The following NRG1 variants were observed in gnomAD, a reference collection of about 807,000 sequenced individuals.
NRG1 encodes pro-neuregulin-1, membrane-bound isoform.
NRG1 carries 18 observed loss-of-function variants against 63.8 expected under a neutral mutation model. The observed-to-expected ratio is 0.28, with a 90% CI of 0.19 to 0.42. The LOEUF is 0.42. NRG1 is among the 10% of genes least tolerant of loss of function. The pLI is 1.00. For synonymous variants in NRG1, 302 were observed against 301.3 expected (o/e 1.00, Z -0.02); for missense variants, 762 against 814.7 (o/e 0.94, Z 0.79).
At chr8:32,748,953 A>AGTAATCTGATCTGATTAGAAGTAATGAG (rs1464501471) in intron 7 of NRG1, 1 of 225,306 alleles carries the variant, frequency 4.4e-6, no homozygotes, top group Non-Finnish European at 8.9e-6. Flanking sequence ...GAAGATTAGA[A>AGTAATCTGATCTGATTAGAAGTAATGAG]GAAGTAAAAG....
intron 7 of NRG1, among the ~76,000 whole-genome samples, chr8:32,745,175 T>G (rs1195108773): frequency 1.3e-5 from 2 of 152,112 alleles, no homozygotes; most frequent in African/African-American, 2.4e-5. Flanking sequence ...TCTAAGAACT[T>G]TATGTTCAAG....
At chr8:32,276,026 A>C (rs1852063792) in intron 1 of NRG1, among the ~76,000 whole-genome samples, 1 of 152,186 alleles carries the variant, frequency 6.6e-6, no homozygotes, top group Admixed American at 6.5e-5. Flanking sequence ...GTGAACATTT[A>C]TCATTTCTTC....
chr8:31,830,302 T>TTTCCTTCCTTCCTTCC (rs375861946), intron 1 of NRG1, among the ~76,000 whole-genome samples: 9 of 122,742 alleles, frequency 7.3e-5, no homozygotes, highest in African/African-American at 1.9e-4. Context: ...GCTCTTCTTT[T>TTTCCTTCCTTCCTTCC]TTCCTTCCTT....
chr8:32,546,494 T>C (rs1833085811), upstream of NRG1, among the ~76,000 whole-genome samples: 1 of 152,220 alleles, frequency 6.6e-6, no homozygotes, highest in African/African-American at 2.4e-5. Flanking sequence ...TGAATTTTGC[T>C]ATTTCCTGCT....
At chr8:32,401,418 C>T (rs1813182147) in intron 1 of NRG1, among the ~76,000 whole-genome samples, 1 of 152,156 alleles carries the variant, frequency 6.6e-6, no homozygotes, top group East Asian at 1.9e-4. Flanking sequence ...TATCATTTAT[C>T]TATTTTATTC....
At chr8:32,373,753 G>A (rs976746612) in intron 1 of NRG1, among the ~76,000 whole-genome samples, 3 of 152,076 alleles carry the variant, frequency 2.0e-5, no homozygotes, top group African/African-American at 7.2e-5. Context: ...ACTCCAGCCT[G>A]GGTGACAGAG....
rs555486618 is a variant in NRG1 at position 31,855,369 on chromosome 8, G to A, written c.37+215938G>A. 2.1e-3 allele frequency among the ~76,000 whole-genome samples: 312 copies of A among 152,098 alleles called. 2 individuals are homozygous for A. Among genetic ancestry groups the A allele is most frequent in the African/African-American group, 6.9e-3 (285 of 41,484 alleles). ...TTGATCCCTTTACCATTATGTAATG[G>A]CCTTCTTTGTCTCTTTTGATCTTTG... On this transcript the variant is annotated intron_variant, in intron 1 of 10. Coordinates refer to the NRG1 transcript ENST00000519301.
chr8:32,542,805 C>A (rs1563608389), intron 1 of NRG1, among the ~76,000 whole-genome samples: 1 of 152,212 alleles, frequency 6.6e-6, no homozygotes, highest in East Asian at 1.9e-4. Context: ...CAGTATGTGG[C>A]AAGATAATTG....
intron 1 of NRG1, among the ~76,000 whole-genome samples, chr8:32,493,492 G>A (rs1337031685): frequency 6.6e-6 from 1 of 152,092 alleles, no homozygotes; most frequent in Non-Finnish European, 1.5e-5. Flanking sequence ...TTAGAAAGGA[G>A]GATTACCTCT....
intron 1 of NRG1, among the ~76,000 whole-genome samples, chr8:32,156,192 G>A: frequency 6.6e-6 from 1 of 152,106 alleles, no homozygotes; most frequent in Non-Finnish European, 1.5e-5. Flanking sequence ...CTTTCCTGGA[G>A]ATTCAGGTTT....
chr8:32,677,802 T>C (rs1807547141), intron 5 of NRG1, among the ~76,000 whole-genome samples: 1 of 152,188 alleles, frequency 6.6e-6, no homozygotes, highest in South Asian at 2.1e-4. Context: ...GCAAAATTTA[T>C]CAGCCTTTCC....
At chr8:32,579,823 T>C (rs1840326127) in intron 1 of NRG1, among the ~76,000 whole-genome samples, 2 of 152,190 alleles carry the variant, frequency 1.3e-5, no homozygotes, top group Admixed American at 6.5e-5. Flanking sequence ...GTTAGAATTC[T>C]GTGAGGAGTG....
At chr8:32,147,384 A>C (rs1308140427) in intron 1 of NRG1, among the ~76,000 whole-genome samples, 3 of 152,218 alleles carry the variant, frequency 2.0e-5, no homozygotes, top group African/African-American at 4.8e-5. Flanking sequence ...GGAATAGTTT[A>C]ATTGCATATA....
chr8:32,052,600 T>A (rs1563729159), intron 1 of NRG1, among the ~76,000 whole-genome samples: 1 of 152,212 alleles, frequency 6.6e-6, no homozygotes. Context: ...GTTTATATTT[T>A]AGCAAGCTGT....
At chr8:32,706,726 G>A (rs1351601971) in intron 5 of NRG1, among the ~76,000 whole-genome samples, 1 of 152,072 alleles carries the variant, frequency 6.6e-6, no homozygotes, top group Non-Finnish European at 1.5e-5. Context: ...CCTGAGACCT[G>A]GTGATTGAGG....
chr8:32,386,316 A>G (rs1996566), intron 1 of NRG1, among the ~76,000 whole-genome samples: 137,973 of 152,264 alleles, frequency 0.91, 63,230 homozygotes, highest in Non-Finnish European at 0.95. Flanking sequence ...AGTTTTATGC[A>G]AAGAGGAAAA....
At chr8:32,638,313 A>G (rs969964007) in intron 5 of NRG1, among the ~76,000 whole-genome samples, 5 of 152,182 alleles carry the variant, frequency 3.3e-5, no homozygotes, top group African/African-American at 1.2e-4. Flanking sequence ...TTAAAGTATA[A>G]TAAAAAAATT....
intron 1 of NRG1, among the ~76,000 whole-genome samples, chr8:32,288,242 T>G (rs1853776512): frequency 6.6e-6 from 1 of 152,154 alleles, no homozygotes; most frequent in Non-Finnish European, 1.5e-5. Context: ...ATAAGAGTGA[T>G]TAGCAAGTTT....
chr8:32,719,035 C>T (rs1017826228), intron 5 of NRG1, among the ~76,000 whole-genome samples: 3 of 152,038 alleles, frequency 2.0e-5, no homozygotes, highest in Non-Finnish European at 4.4e-5. Context: ...CTTTTAAGAG[C>T]AATGCTGAAT....
Sources: gnomAD v4.1 joint callset for allele counts (sites outside exome capture counted in the v4.1 genomes callset) on GRCh38, gnomAD v4.1.1 for gene constraint, MANE v1.5 for transcripts, NCBI Gene and HGNC (gene_info 2026-07-23, HGNC 2026-07-21) for gene names.